SLC30A10: variants seen among roughly 807,000 people sequenced by gnomAD.
SLC30A10 encodes solute carrier family 30 member 10.
SLC30A10 carries 8 observed loss-of-function variants against 21.7 expected under a neutral mutation model. The ratio of observed to expected loss-of-function variants is 0.37; its 90% CI spans 0.22 to 0.67. The LOEUF is 0.67. Ranked by LOEUF, SLC30A10 falls within the 30% of genes least tolerant of loss-of-function variation. SLC30A10 has a pLI of 0.58. For missense variants in SLC30A10, 521 were observed against 642.5 expected (o/e 0.81, Z 2.04); for synonymous variants, 272 against 279.4 (o/e 0.97, Z 0.26).
intron 1 of SLC30A10, among the ~76,000 whole-genome samples, chr1:219,954,695 A>C (rs1418418240): frequency 1.3e-5 from 2 of 151,856 alleles, no homozygotes; most frequent in Non-Finnish European, 2.9e-5. Context: ...AAAAAAAAAA[A>C]AAAAAAAAAC....
upstream of SLC30A10, among the ~76,000 whole-genome samples, chr1:219,928,872 C>T (rs1404045005): frequency 1.3e-5 from 2 of 152,208 alleles, no homozygotes; most frequent in African/African-American, 4.8e-5. The surrounding 1 kb of genome is among the most constrained non-coding windows in gnomAD (Gnocchi z 6.3). Flanking sequence ...TTCTCCTGGC[C>T]CTCAGGGTCG....
chr1:219,954,049 C>T (rs767453122), intron 1 of SLC30A10, among the ~76,000 whole-genome samples: 1 of 151,976 alleles, frequency 6.6e-6, no homozygotes, highest in Admixed American at 6.6e-5. Context: ...GGTAGAGAGA[C>T]AGCAAATTCC....
chr1:219,928,831 T>G (rs1269506453), upstream of SLC30A10, among the ~76,000 whole-genome samples: 1 of 152,152 alleles, frequency 6.6e-6, no homozygotes, highest in Non-Finnish European at 1.5e-5. The surrounding 1 kb of genome is among the most constrained non-coding windows in gnomAD (Gnocchi z 6.3). Flanking sequence ...TCCCTCCCCA[T>G]GCAGAGGTGG....
At chr1:219,947,289 G>A (rs1326791210) in intron 1 of SLC30A10, among the ~76,000 whole-genome samples, 1 of 152,140 alleles carries the variant, frequency 6.6e-6, no homozygotes. Flanking sequence ...AGGATTTTGC[G>A]AGGCCAAGGT....
rs1363225799 is a variant in SLC30A10 at position 219,928,452 on chromosome 1, C to T, written c.-12G>A. 1 of 1,593,868 alleles carries T rather than the reference C, an allele frequency of 6.3e-7. No homozygotes were observed. The highest frequency in any genetic ancestry group is 8.5e-7 in the Non-Finnish European group (1 of 1,172,130). ...GAGTAGCGGCCCATCTCGCCACCAG[C>T]CCCGGGCGCCCGGCGCCGCCCAGGG... On this transcript the variant is annotated 5_prime_UTR_variant, in exon 1 of 4. Transcript: ENST00000366926. The surrounding 1 kb of genome is among the most constrained non-coding windows in gnomAD (Gnocchi z 6.3).
rs1343781437 is a variant in SLC30A10, at chr1:219,915,027, A to G, written c.*422T>C. On this transcript the variant is annotated 3_prime_UTR_variant, in exon 4 of 4. Coordinates refer to ENST00000366926, the MANE Select transcript of SLC30A10 (RefSeq NM_018713.3). Reference sequence around the variant, plus strand: ...TAAGGGGATTGGGAAAAATACAGCTATTGTGGTACTTTAGTTTTTTCAATG... The same window carrying G: ...TAAGGGGATTGGGAAAAATACAGCTGTTGTGGTACTTTAGTTTTTTCAATG... 1 of 158,536 alleles carries G rather than the reference A, an allele frequency of 6.3e-6. No homozygotes were observed. The highest frequency in any genetic ancestry group is 1.4e-5 in the Non-Finnish European group (1 of 72,096). 9.8% of individuals were successfully genotyped at this position (158,536 alleles called of 1,614,324 possible).
intron 1 of SLC30A10, among the ~76,000 whole-genome samples, chr1:219,949,528 A>G (rs976451923): frequency 6.6e-6 from 1 of 152,068 alleles, no homozygotes; most frequent in Non-Finnish European, 1.5e-5. Context: ...AACACCGCAT[A>G]TTCTCACTCA....
intron 2 of SLC30A10, among the ~76,000 whole-genome samples, chr1:219,924,971 C>T (rs1659779210): frequency 6.6e-6 from 1 of 152,128 alleles, no homozygotes; most frequent in African/African-American, 2.4e-5. Context: ...AAGCCAAATC[C>T]CAACCTTTCA....
upstream of SLC30A10, among the ~76,000 whole-genome samples, chr1:219,929,565 G>A (rs1050243082): frequency 4.0e-5 from 6 of 151,642 alleles, no homozygotes; most frequent in African/African-American, 1.2e-4. Context: ...TTGTTGCCCA[G>A]GCTGGAGTGC....
intron 1 of SLC30A10, among the ~76,000 whole-genome samples, chr1:219,940,899 C>T (rs979785103): frequency 1.6e-4 from 25 of 152,192 alleles, no homozygotes; most frequent in African/African-American, 5.3e-4. Flanking sequence ...GTTTGGACAA[C>T]TGTTGCCTTT....
At chr1:219,952,454 C>T (rs1244253411) in intron 1 of SLC30A10, among the ~76,000 whole-genome samples, 1 of 152,150 alleles carries the variant, frequency 6.6e-6, no homozygotes, top group Non-Finnish European at 1.5e-5. Context: ...TAACTTTCCA[C>T]AGTCCATAAC....
upstream of SLC30A10, among the ~76,000 whole-genome samples, chr1:219,932,843 C>T (rs550731199): frequency 6.6e-6 from 1 of 150,676 alleles, no homozygotes; most frequent in East Asian, 2.0e-4. Context: ...GGGCGCATCA[C>T]CTTAGGCCAG....
intron 2 of SLC30A10, among the ~76,000 whole-genome samples, chr1:219,921,911 GA>G: frequency 1.1e-5 from 1 of 92,280 alleles, no homozygotes; most frequent in South Asian, 3.9e-4. Flanking sequence ...GTGTGAAAGA[GA>G]GAGAGAGACA....
At chr1:219,932,718 T>C (rs934676730), upstream of SLC30A10, among the ~76,000 whole-genome samples, 8 of 144,302 alleles carry the variant, frequency 5.5e-5, no homozygotes, top group African/African-American at 1.3e-4. Context: ...TTTTTTTTTT[T>C]TTTTTTTTTT....
At chr1:219,944,667 A>T (rs1660165046) in intron 1 of SLC30A10, among the ~76,000 whole-genome samples, 1 of 152,230 alleles carries the variant, frequency 6.6e-6, no homozygotes, top group South Asian at 2.1e-4. Flanking sequence ...TATTGACAGC[A>T]TTAGCCAGTG....
At position 219,911,149 on chromosome 1, in the gene SLC30A10, G is replaced by GTTTTTTTTTGTTTTT. The variant is rs1659401231; in HGVS notation, c.*4299_*4300insAAAAACAAAAAAAAA. The stretch of plus-strand genomic sequence containing the variant: ...ATGTTTCTTCATTTTTTCTACATCA[G>GTTTTTTTTTGTTTTT]TTTTTTTTTTTTTTTTTTTTTTTTT... On this transcript the variant is annotated 3_prime_UTR_variant, in exon 4 of 4. Transcript: ENST00000366926. Among the ~76,000 whole-genome samples the GTTTTTTTTTGTTTTT allele has an allele frequency of 2.0e-5, 1 of 49,420 alleles. No individual in the cohort carries two copies. The highest frequency in any genetic ancestry group is 4.5e-5 in the Non-Finnish European group (1 of 22,432). 32.4% of individuals were successfully genotyped at this position (49,420 alleles called of 152,430 possible).
In SLC30A10 at chr1:219,915,890, T is replaced by C; in HGVS notation, c.1017A>G (p.Glu339=). 6.2e-7 allele frequency: 1 copy of C among 1,614,196 alleles called. No individual in the cohort carries two copies. Among genetic ancestry groups the C allele is most frequent in the South Asian group, 1.1e-5 (1 of 91,086 alleles). Residue 339 remains glutamate (E), a synonymous_variant, in exon 4 of 4, where the codon GAA becomes GAG. Coordinates refer to ENST00000366926, the MANE Select transcript of SLC30A10 (RefSeq NM_018713.3). ...TGGCAATAATCTTTCCACTTACAAG[T>C]TCCCAGATGTGCACTTCATGTACAC... ...ISSVHEVHIW[E]LVSGKIIATL...
Position 219,918,419 on chromosome 1 carries a change from A to G in SLC30A10, c.794T>C (p.Leu265Pro). The change falls in exon 3 of 4, where the codon CTT becomes CCT. Residue 265 changes from leucine (L) to proline (P), a missense_variant. Physicochemically the swap from Leu to Pro is moderately conservative, Grantham distance 98. Coordinates refer to ENST00000366926, the MANE Select transcript of SLC30A10 (RefSeq NM_018713.3). This position sits in a 1 kb window ranked among gnomAD's most constrained non-coding sequence, Gnocchi z 4.4. The part of the protein sequence containing the change: ...VVITAIIFYV[L>P]PLKSEDPCNW... ...ACACGGGTCCTCACTCTTCAGGGGA[A>G]GCACATAGAATATGATGGCCGTGAT... is the stretch of plus-strand genomic sequence containing the variant. 1 of 1,614,126 alleles carries G rather than the reference A, an allele frequency of 6.2e-7. No homozygotes were observed. The highest frequency in any genetic ancestry group is 1.1e-5 in the South Asian group (1 of 91,078).
chr1:219,949,796 A>C (rs1660242633), intron 1 of SLC30A10, among the ~76,000 whole-genome samples: 1 of 151,912 alleles, frequency 6.6e-6, no homozygotes, highest in Non-Finnish European at 1.5e-5. Context: ...AAAAAGAAAA[A>C]TTGGTGTATT....
Sources: allele counts gnomAD v4.1 joint callset (sites outside exome capture counted in the v4.1 genomes callset), GRCh38; gene constraint gnomAD v4.1.1; non-coding constraint Gnocchi (gnomAD v3.1); transcripts MANE v1.5; gene names NCBI Gene and HGNC (gene_info 2026-07-23, HGNC 2026-07-21).